The following IGDCC4 variants were observed in gnomAD, a reference collection of about 807,000 sequenced individuals.
IGDCC4 encodes likely ortholog of mouse neighbor of Punc E11.
Under a neutral mutation model 116.6 loss-of-function variants are expected in IGDCC4, and 72 were observed. That is an observed-to-expected ratio of 0.62 (90% CI 0.51 to 0.75). The LOEUF is 0.75. Among genes scored for constraint, IGDCC4 ranks in the 30% least tolerant of loss-of-function variants. IGDCC4 has a pLI of 0.00. For missense variants in IGDCC4, 1,501 were observed against 1,662.4 expected, an observed-to-expected ratio of 0.90 and a Z score of 1.69; for synonymous variants, 709 against 719.9, an observed-to-expected ratio of 0.98 and a Z score of 0.24.
chr15:65,391,119 G>A lies in IGDCC4; in HGVS notation c.2224+761C>T, dbSNP rs189123360. Among the ~76,000 whole-genome samples, 840 of 152,226 alleles carry A rather than the reference G, an allele frequency of 5.5e-3. 7 individuals carry two copies. The highest frequency in any genetic ancestry group is 7.0e-3 in the Non-Finnish European group (479 of 68,018). ...ATGGTGCACACCTGTAATCCCAGCT[G>A]CTCAAGAGGCCGAGGCACAAGAATT... On this transcript the variant is annotated intron_variant, in intron 12 of 19. Coordinates refer to ENST00000352385, the MANE Select transcript of IGDCC4 (RefSeq NM_020962.3).
intron 17 of IGDCC4, 46 bp downstream of exon 17, chr15:65,386,505 C>T (rs1428155463): frequency 3.3e-6 from 5 of 1,506,090 alleles, no homozygotes; most frequent in Admixed American, 1.9e-5. Flanking sequence ...TGCAGCCCTT[C>T]CTGGAAGTCT....
chr15:65,386,518 C>A, intron 17 of IGDCC4, 33 bp downstream of exon 17: 1 of 1,553,244 alleles, frequency 6.4e-7, no homozygotes, highest in Non-Finnish European at 8.7e-7. Flanking sequence ...GGAAGTCTCC[C>A]TTCCCTGAAG....
At chr15:65,386,394 A>G (rs1244382472) in intron 17 of IGDCC4, among the ~76,000 whole-genome samples, 157 bp downstream of exon 17, 1 of 152,116 alleles carries the variant, frequency 6.6e-6, no homozygotes, top group Non-Finnish European at 1.5e-5. Flanking sequence ...CATTCTCAGG[A>G]GGACATCATC....
intron 14 of IGDCC4, 85 bp from the exon 15 acceptor site, chr15:65,389,063 T>C: frequency 9.0e-7 from 1 of 1,105,300 alleles, no homozygotes; most frequent in Non-Finnish European, 1.3e-6. Context: ...TCCTCCTTCA[T>C]GGAACAAGCC....
chr15:65,421,007 T>G (rs1463083235), intron 1 of IGDCC4, among the ~76,000 whole-genome samples: 1 of 152,196 alleles, frequency 6.6e-6, no homozygotes, highest in East Asian at 1.9e-4. Context: ...CATAAATATT[T>G]GTTGAACGAA....
At chr15:65,421,571 G>A (rs1318840592) in intron 1 of IGDCC4, among the ~76,000 whole-genome samples, 1 of 152,148 alleles carries the variant, frequency 6.6e-6, no homozygotes, top group Non-Finnish European at 1.5e-5. Context: ...CCTGGAGATG[G>A]GCCTGGGGCT....
At chr15:65,407,904 G>A (rs1352160008) in intron 3 of IGDCC4, among the ~76,000 whole-genome samples, 4 of 152,000 alleles carry the variant, frequency 2.6e-5, no homozygotes, top group Non-Finnish European at 5.9e-5. Flanking sequence ...AAAGTGCTGG[G>A]ATTACAGGCG....
Position 65,394,553 on chromosome 15 carries a change from G to A in IGDCC4, c.1577-5C>T, listed in dbSNP as rs1243705962. Reference sequence around the variant, plus strand: ...GCTGGGGTGCTGCACTGGGGACTGAGACAGAAGAACATCAGCATGAGCTCT... The same window carrying A: ...GCTGGGGTGCTGCACTGGGGACTGAAACAGAAGAACATCAGCATGAGCTCT... On this transcript the variant is annotated splice_region_variant and splice_polypyrimidine_tract_variant and intron_variant, in intron 8 of 19. Coordinates refer to ENST00000352385, the MANE Select transcript of IGDCC4 (RefSeq NM_020962.3). 1 of 1,593,214 alleles carries A rather than the reference G, an allele frequency of 6.3e-7. No individual in the cohort carries two copies. The highest frequency in any genetic ancestry group is 1.3e-5 in the African/African-American group (1 of 74,308).
At chr15:65,416,995 G>A (rs755021937) in intron 1 of IGDCC4, among the ~76,000 whole-genome samples, 10 of 152,046 alleles carry the variant, frequency 6.6e-5, no homozygotes, top group East Asian at 1.9e-4. Context: ...GGGAAGGGGC[G>A]TGTAGCTGGG....
Position 65,395,103 on chromosome 15 carries a change from G to A in IGDCC4, c.1567C>T (p.Leu523=). The change falls in exon 8 of 20, where the codon CTG becomes TTG. Residue 523 remains leucine (L), a synonymous_variant. Coordinates refer to ENST00000352385, the MANE Select transcript of IGDCC4 (RefSeq NM_020962.3). ...RTSTPALVHT[L]DDVPSAAPQL... Reference sequence around the variant, plus strand: ...AGTTCAGAGGCCCTACCATCATCCAGTGTGTGCACCAGTGCTGGGGTGGAG... The same window carrying A: ...AGTTCAGAGGCCCTACCATCATCCAATGTGTGCACCAGTGCTGGGGTGGAG... 6.2e-7 allele frequency: 1 copy of A among 1,608,636 alleles called. No individual in the cohort carries two copies. Among genetic ancestry groups the A allele is most frequent in the African/African-American group, 1.3e-5 (1 of 74,972 alleles).
At chr15:65,416,533 G>T in intron 1 of IGDCC4, among the ~76,000 whole-genome samples, 1 of 152,236 alleles carries the variant, frequency 6.6e-6, no homozygotes, top group East Asian at 1.9e-4. Context: ...TCATAAAAGC[G>T]ATGCTCTGGG....
At chr15:65,417,556 C>T (rs1291628965) in intron 1 of IGDCC4, among the ~76,000 whole-genome samples, 1 of 152,158 alleles carries the variant, frequency 6.6e-6, no homozygotes, top group African/African-American at 2.4e-5. Context: ...TTTTCTGCCC[C>T]GTAGAACGCT....
At chr15:65,414,162 T>C (rs768859861) in intron 1 of IGDCC4, among the ~76,000 whole-genome samples, 1 of 151,358 alleles carries the variant, frequency 6.6e-6, no homozygotes, top group Non-Finnish European at 1.5e-5. Context: ...GGAACAAGAG[T>C]GAGGGGAGAA....
intron 1 of IGDCC4, among the ~76,000 whole-genome samples, chr15:65,412,944 T>TACACAC (rs10563998): frequency 2.0e-5 from 3 of 147,566 alleles, no homozygotes; most frequent in Admixed American, 1.3e-4. Context: ...TCTCTCTCTG[T>TACACAC]ACACACACAC....
In IGDCC4 at chr15:65,412,511, CAAAAAAAAAAA is replaced by C. The variant is rs3082805; in HGVS notation, c.71-1152_71-1142del. 4.2e-4 allele frequency among the ~76,000 whole-genome samples: 7 copies of C among 16,718 alleles called. 1 individual carries two copies. The highest frequency in any genetic ancestry group is 1.1e-3 in the Admixed American group (1 of 896). The allele number at this position is 16,718 out of a possible 152,430, so 11.0% of individuals were successfully genotyped here. ...TGGGTGACAGAATGAGATTCCATCT[CAAAAAAAAAAA>C]AAAAAAAAAAAAAAAAGCACAGTGC... On this transcript the variant is annotated intron_variant, in intron 1 of 19. Transcript: ENST00000352385.
chr15:65,390,395 T>C, intron 12 of IGDCC4, 57 bp from the exon 13 acceptor site: 4 of 1,418,818 alleles, frequency 2.8e-6, no homozygotes, highest in Non-Finnish European at 3.8e-6. Flanking sequence ...TCCTTAAATA[T>C]GTATAGTGGT....
intron 1 of IGDCC4, among the ~76,000 whole-genome samples, chr15:65,416,665 CA>C (rs1291582136): frequency 2.0e-5 from 3 of 152,196 alleles, no homozygotes; most frequent in African/African-American, 7.2e-5. Context: ...GGACACATTG[CA>C]GGTGCCCAGT....
intron 13 of IGDCC4, 27 bp downstream of exon 13, chr15:65,390,128 T>G: frequency 6.5e-7 from 1 of 1,542,466 alleles, no homozygotes; most frequent in Non-Finnish European, 8.8e-7. Flanking sequence ...CTCCCTTCTT[T>G]ACATTAGTAA....
intron 3 of IGDCC4, among the ~76,000 whole-genome samples, chr15:65,405,129 TG>T (rs35901531): frequency 0.25 from 25,323 of 100,120 alleles, 2,862 homozygotes; most frequent in African/African-American, 0.38. Context: ...TATTAGTTAG[TG>T]GGGGGGGGGG....
Sources: allele counts gnomAD v4.1 joint callset (sites outside exome capture counted in the v4.1 genomes callset), GRCh38; gene constraint gnomAD v4.1.1; transcripts MANE v1.5; gene names NCBI Gene and HGNC (gene_info 2026-07-23, HGNC 2026-07-21).